The following THRAP3 variants were observed in gnomAD, a reference collection of about 807,000 sequenced individuals.
THRAP3 encodes the protein thyroid hormone receptor-associated protein 3.
In THRAP3, 16 loss-of-function variants were observed where a neutral mutation model predicts 101.0. The ratio of observed to expected loss-of-function variants is 0.16; its 90% confidence interval spans 0.11 to 0.24. The LOEUF (loss-of-function observed/expected upper bound fraction) is 0.24, where lower values mean the gene tolerates loss of function less well. Ranked by LOEUF, THRAP3 falls within the 10% of genes least tolerant of loss-of-function variation. The pLI is 1.00. For missense variants in THRAP3, 989 were observed against 1,202.7 expected (o/e 0.82, Z 2.63); for synonymous variants, 407 against 422.6 (o/e 0.96, Z 0.45).
chr1:36,208,876 A>G, the THRAP3 span, among the ~76,000 whole-genome samples: 1 of 150,544 alleles, frequency 6.6e-6, no homozygotes. Flanking sequence ...CATGTTGGCC[A>G]GGCTGGTCTT....
In THRAP3 at chr1:36,283,378, C is replaced by T. The variant is rs532584936; in HGVS notation, c.137+678C>T. Among the ~76,000 whole-genome samples, 110 of 152,268 alleles carry T rather than the reference C, an allele frequency of 7.2e-4. 3 individuals are homozygous for T. The South Asian group carries it at 0.022, about 31-fold the overall frequency. The stretch of plus-strand genomic sequence containing the variant: ...TTGGAATAGGATGCCAAACCTCCAG[C>T]GTCTTTCCTCTCTTGGTGTGTTGTG... On this transcript the variant is annotated intron_variant, in intron 3 of 11. Transcript: ENST00000354618.
chr1:36,255,168 T>C (rs1263286484), intron 1 of THRAP3, among the ~76,000 whole-genome samples: 1 of 152,178 alleles, frequency 6.6e-6, no homozygotes, highest in Non-Finnish European at 1.5e-5. Context: ...ACTGTCTTCT[T>C]TTTTTCGCTT....
Position 36,289,675 on chromosome 1 carries a change from A to G in THRAP3, c.1656A>G (p.Gly552=). The change falls in exon 5 of 12, where the codon GGA becomes GGG. Residue 552 remains glycine, a synonymous_variant. Coordinates refer to ENST00000354618, the MANE Select transcript of THRAP3 (RefSeq NM_005119.4). The part of the protein sequence containing the change: ...SESRDKLGAK[G]DFPTGKSSFS... ...GCCGAGACAAGCTGGGAGCGAAAGGAGATTTTCCCACAGGAAAGTCTTCCT... is the reference window on the plus strand; with the variant it reads ...GCCGAGACAAGCTGGGAGCGAAAGGGGATTTTCCCACAGGAAAGTCTTCCT... 1 of 1,614,138 alleles carries G rather than the reference A, an allele frequency of 6.2e-7. No individual in the cohort carries two copies. Among genetic ancestry groups the G allele is most frequent in the East Asian group, 2.2e-5 (1 of 44,884 alleles).
At chr1:36,278,501 G>T (rs1015750038) in intron 2 of THRAP3, among the ~76,000 whole-genome samples, 1 of 152,256 alleles carries the variant, frequency 6.6e-6, no homozygotes, top group African/African-American at 2.4e-5. Context: ...AGTCAAGAAG[G>T]CTTGGGCTTC....
the THRAP3 span, among the ~76,000 whole-genome samples, chr1:36,211,021 G>A: frequency 6.6e-6 from 1 of 150,418 alleles, no homozygotes; most frequent in Non-Finnish European, 1.5e-5. Flanking sequence ...AAACCAGCCT[G>A]GGCAACAAAG....
At chr1:36,278,993 T>A (rs1645698840) in intron 2 of THRAP3, among the ~76,000 whole-genome samples, 1 of 151,898 alleles carries the variant, frequency 6.6e-6, no homozygotes, top group African/African-American at 2.4e-5. Flanking sequence ...TCAATTCATG[T>A]TAAAGAGGAG....
In THRAP3 at chr1:36,249,710, G is replaced by GTGTGTGTGTGTT. The variant is rs1373095077; in HGVS notation, c.-134-9662_-134-9661insTTTGTGTGTGTG. 3.3e-5 allele frequency among the ~76,000 whole-genome samples: 5 copies of GTGTGTGTGTGTT among 151,830 alleles called. No individual in the cohort carries two copies. In the East Asian group the frequency reaches 7.7e-4, roughly 23 times the overall value. The stretch of plus-strand genomic sequence containing the variant: ...AGTGTGTGTGTGTGTGTGTGTGTGT[G>GTGTGTGTGTGTT]TGTGTGTGTGGTGGAGGTTGAGACA... On this transcript the variant is annotated intron_variant, in intron 1 of 11. Transcript: ENST00000354618.
chr1:36,242,674 G>T (rs929191243), intron 1 of THRAP3, among the ~76,000 whole-genome samples: 1 of 151,656 alleles, frequency 6.6e-6, no homozygotes, highest in East Asian at 1.9e-4. Context: ...GGATGGTCTG[G>T]ATCTCCTGAC....
chr1:36,246,532 C>T (rs543137883), intron 1 of THRAP3, among the ~76,000 whole-genome samples: 2 of 151,610 alleles, frequency 1.3e-5, no homozygotes, highest in East Asian at 4.0e-4. Context: ...TGTGCCCAGC[C>T]TTTTTCTTTT....
Position 36,305,161 on chromosome 1 carries a change from T to A in THRAP3, c.*1144T>A, listed in dbSNP as rs1570362707. On this transcript the variant is annotated 3_prime_UTR_variant, in exon 12 of 12. Coordinates refer to ENST00000354618, the MANE Select transcript of THRAP3 (RefSeq NM_005119.4). ...TCATAAGGCATTTATGCATATGTTA[T>A]ATGCGGACTGCACCCACCTCTCCCC... is the stretch of plus-strand genomic sequence containing the variant. The A allele has an allele frequency of 4.5e-6, 1 of 221,272 alleles. No homozygotes were observed. Among genetic ancestry groups the A allele is most frequent in the African/African-American group, 2.2e-5 (1 of 44,616 alleles). The allele number at this position is 221,272 out of a possible 1,614,324, so 13.7% of individuals were successfully genotyped here.
the THRAP3 span, among the ~76,000 whole-genome samples, chr1:36,211,501 T>A: frequency 1.1e-4 from 17 of 152,162 alleles, no homozygotes; most frequent in African/African-American, 4.1e-4. Flanking sequence ...TCGTACCACT[T>A]CATTAAAGCT....
chr1:36,247,990 C>G (rs1645252041), intron 1 of THRAP3, among the ~76,000 whole-genome samples: 1 of 151,650 alleles, frequency 6.6e-6, no homozygotes, highest in Admixed American at 6.6e-5. Flanking sequence ...AGCGATTTTC[C>G]TGCCTCAGCC....
At chr1:36,256,782 C>T (rs1006682895) in intron 1 of THRAP3, among the ~76,000 whole-genome samples, 2 of 152,084 alleles carry the variant, frequency 1.3e-5, no homozygotes, top group Non-Finnish European at 1.5e-5. Context: ...TCATTGGTAA[C>T]CGTTTGCATT....
chr1:36,298,464 C>T (rs1158276439), intron 9 of THRAP3, among the ~76,000 whole-genome samples: 2 of 152,124 alleles, frequency 1.3e-5, no homozygotes, highest in South Asian at 2.1e-4. Context: ...AACAAGTCCC[C>T]TGCAAACCCC....
chr1:36,278,036 G>A lies in THRAP3; in HGVS notation c.-31-4497G>A, dbSNP rs61769553. ...CCTTGGCCTCTCAAAGTGCTGAGTG[G>A]GGTTACGGTCGTGAGCCCAGCCCCC... On this transcript the variant is annotated intron_variant, in intron 2 of 11. Coordinates refer to ENST00000354618, the MANE Select transcript of THRAP3 (RefSeq NM_005119.4). Among the ~76,000 whole-genome samples the A allele has an allele frequency of 7.1e-3, 1,065 of 150,366 alleles. 8 individuals are homozygous for A. Among genetic ancestry groups the A allele is most frequent in the Middle Eastern group, 0.014 (4 of 284 alleles).
In THRAP3 at chr1:36,296,730, G is replaced by A. The variant is rs1645956851; in HGVS notation, c.2263G>A (p.Glu755Lys). 1 of 1,601,168 alleles carries A rather than the reference G, an allele frequency of 6.2e-7. No homozygotes were observed. The highest frequency in any genetic ancestry group is 1.1e-5 in the South Asian group (1 of 88,340). The change falls in exon 9 of 12, where the codon GAA becomes AAA. Residue 755 changes from glutamate (E) to lysine (K), a missense_variant. Glu to Lys is a moderately conservative substitution (Grantham distance 56, BLOSUM62 1). Transcript: ENST00000354618. ...CAGTCACTCAAGGGAAAGGTCAGCT[G>A]AAAAAACAGAGAAAACTCATAAAGG... ...DSSHSRERSA[E>K]KTEKTHKGSK...
At position 36,291,470 on chromosome 1, in the gene THRAP3, A is replaced by G; in HGVS notation, c.1842A>G (p.Ile614Met). The G allele has an allele frequency of 6.2e-7, 1 of 1,614,190 alleles. No individual in the cohort carries two copies. Among genetic ancestry groups the G allele is most frequent in the Non-Finnish European group, 8.5e-7 (1 of 1,180,040 alleles). Reference protein sequence around the residue: ...EQEFRSIFQHIQSAQSQRSPS... With the variant: ...EQEFRSIFQHMQSAQSQRSPS... ...AGTTTCGTTCCATTTTCCAGCACAT[A>G]CAATCAGCTCAGTCTCAGCGTAGCC... The change falls in exon 6 of 12, where the codon ATA becomes ATG. Residue 614 changes from isoleucine (I) to methionine (M), a missense_variant. Transcript: ENST00000354618.
chr1:36,269,750 T>A (rs1048279593), intron 2 of THRAP3, among the ~76,000 whole-genome samples: 22 of 151,740 alleles, frequency 1.4e-4, no homozygotes, highest in Admixed American at 1.2e-3. Flanking sequence ...TTTTTTTTTT[T>A]AAATCTTCTG....
At chr1:36,210,007 A>G in the THRAP3 span, among the ~76,000 whole-genome samples, 2 of 152,152 alleles carry the variant, frequency 1.3e-5, no homozygotes, top group African/African-American at 4.8e-5. Flanking sequence ...GAACAGTGCT[A>G]CTCAAAACAA....
Sources: allele counts gnomAD v4.1 joint callset (sites outside exome capture counted in the v4.1 genomes callset), GRCh38; gene constraint gnomAD v4.1.1; transcripts MANE v1.5; gene names NCBI Gene and HGNC (gene_info 2026-07-23, HGNC 2026-07-21).